Variants in ATR observed in about 807,000 individuals in gnomAD.
ATR encodes serine/threonine-protein kinase ATR.
A neutral mutation model predicts 305.3 loss-of-function variants in ATR; 142 were observed. The ratio of observed to expected loss-of-function variants is 0.47; its 90% CI spans 0.41 to 0.53. ATR has a LOEUF of 0.53. Among genes scored for constraint, ATR ranks in the 20% least tolerant of loss-of-function variants. The pLI is 0.00. For synonymous variants in ATR, 1,050 were observed against 1,068.1 expected (o/e 0.98, Z 0.33); for missense variants, 2,135 against 3,133.1 (o/e 0.68, Z 7.60).
chr3:142,507,138 T>C (rs1373467772), intron 28 of ATR, among the ~76,000 whole-genome samples: 1 of 152,242 alleles, frequency 6.6e-6, no homozygotes, highest in Non-Finnish European at 1.5e-5. Flanking sequence ...ATCTTAAGAC[T>C]GCAAGTTACT....
At chr3:142,476,639 T>G (rs1048086996) in intron 36 of ATR, among the ~76,000 whole-genome samples, 1 of 151,874 alleles carries the variant, frequency 6.6e-6, no homozygotes, top group African/African-American at 2.4e-5. Context: ...AGAAAGTCAT[T>G]GGTAGCTTGA....
intron 21 of ATR, among the ~76,000 whole-genome samples, chr3:142,530,977 CT>C (rs1032422773): frequency 6.6e-6 from 1 of 152,066 alleles, no homozygotes; most frequent in South Asian, 2.1e-4. Flanking sequence ...TCATTTTCTT[CT>C]TTTTTTATAC....
In ATR at chr3:142,503,366, T is replaced by C; in HGVS notation, c.5284A>G (p.Asn1762Asp). ...AATCATTTTATAAAATATTACCTGT[T>C]AGCATGCACTCCATTCACCTGAGTG... ...VITQVNGVHA[N>D]RSEWTDELNT... Residue 1762 changes from asparagine to aspartate, a missense_variant, in exon 30 of 47, where the codon AAC becomes GAC. Asn to Asp is a conservative substitution (Grantham distance 23, BLOSUM62 1). Transcript: ENST00000350721. 6.3e-7 allele frequency: 1 copy of C among 1,598,038 alleles called. No individual in the cohort carries two copies. Among genetic ancestry groups the C allele is most frequent in the Non-Finnish European group, 8.6e-7 (1 of 1,165,842 alleles).
intron 25 of ATR, among the ~76,000 whole-genome samples, 199 bp from the exon 26 acceptor site, chr3:142,513,837 G>A (rs939911075): frequency 1.3e-5 from 2 of 151,354 alleles, no homozygotes; most frequent in African/African-American, 4.9e-5. Flanking sequence ...TAACACTGTT[G>A]AACTCATAAA....
chr3:142,449,661 T>C, intron 46 of ATR, 59 bp from the exon 47 acceptor site: 3 of 1,530,676 alleles, frequency 2.0e-6, no homozygotes, highest in Non-Finnish European at 2.7e-6. Context: ...TTACTACCTT[T>C]CTTTATATTT....
At chr3:142,496,295 T>TGATGAC in intron 34 of ATR, 66 bp downstream of exon 34, 1 of 76,400 alleles carries the variant, frequency 1.3e-5, no homozygotes, top group South Asian at 4.1e-4. Flanking sequence ...TATATATATA[T>TGATGAC]ATATATATAT....
In ATR at chr3:142,535,179, C is replaced by G. The variant is rs773177654; in HGVS notation, c.3846G>C (p.Gln1282His). Residue 1282 changes from glutamine (Q) to histidine (H), a missense_variant, in exon 21 of 47, where the codon CAG becomes CAC. Gln to His is a conservative substitution (Grantham distance 24). This residue lies in a region of ATR where 530 missense variants were observed against 766.8 expected (regional missense o/e 0.69). Transcript: ENST00000350721. ...RKETSESTDL[Q>H]TTLQLSMKAI... The stretch of plus-strand genomic sequence containing the variant: ...CCTTCATAGAGAGCTGAAGAGTTGT[C>G]TGAAGATCAGTGCTCTCAGAGGTCT... The G allele has an allele frequency of 6.2e-7, 1 of 1,613,166 alleles. No individual in the cohort carries two copies. Among genetic ancestry groups the G allele is most frequent in the South Asian group, 1.1e-5 (1 of 91,052 alleles).
intron 16 of ATR, among the ~76,000 whole-genome samples, chr3:142,544,391 G>A (rs2034180043): frequency 7.5e-6 from 1 of 133,754 alleles, no homozygotes; most frequent in Admixed American, 8.6e-5. Flanking sequence ...GGCAGAGGTT[G>A]CAGTGGGCTG....
chr3:142,541,196 C>G (rs760506393), intron 17 of ATR, among the ~76,000 whole-genome samples, 162 bp from the exon 18 acceptor site: 10 of 152,124 alleles, frequency 6.6e-5, no homozygotes, highest in Non-Finnish European at 1.0e-4. Context: ...TGTCCAATTG[C>G]TTATGTCTTA....
At chr3:142,554,082 T>C in intron 10 of ATR, 67 bp from the exon 11 acceptor site, 1 of 1,328,276 alleles carries the variant, frequency 7.5e-7, no homozygotes. Context: ...TGTAAAAATA[T>C]TGTCAACAAA....
chr3:142,556,529 T>G lies in ATR; in HGVS notation c.1932A>C (p.Pro644=). 6.2e-7 allele frequency: 1 copy of G among 1,614,054 alleles called. No homozygotes were observed. Among genetic ancestry groups the G allele is most frequent in the Non-Finnish European group, 8.5e-7 (1 of 1,179,980 alleles). ...SRCVFLLTLF[P]RRIFLEWRTA... is the part of the protein sequence containing the mutation. Reference sequence around the variant, plus strand: ...TTCTCCACTCAAGGAATATTCTTCTTGGAAACAGAGTCAGAAGAAACACAC... The same window carrying G: ...TTCTCCACTCAAGGAATATTCTTCTGGGAAACAGAGTCAGAAGAAACACAC... Residue 644 remains proline, a synonymous_variant, in exon 9 of 47, where the codon CCA becomes CCC. Transcript: ENST00000350721.
At chr3:142,506,835 T>C (rs2032266742) in intron 28 of ATR, among the ~76,000 whole-genome samples, 1 of 152,232 alleles carries the variant, frequency 6.6e-6, no homozygotes, top group Non-Finnish European at 1.5e-5. Context: ...ACAGTCATCT[T>C]GACAAAGGGG....
intron 45 of ATR, 104 bp from the exon 46 acceptor site, chr3:142,453,337 T>A (rs2070833645): frequency 1.0e-5 from 14 of 1,336,352 alleles, no homozygotes; most frequent in Non-Finnish European, 1.5e-5. Flanking sequence ...GTAATACTCT[T>A]ATAATACACA....
intron 45 of ATR, among the ~76,000 whole-genome samples, chr3:142,453,569 G>A (rs1194097805): frequency 2.0e-5 from 3 of 152,054 alleles, no homozygotes; most frequent in East Asian, 3.9e-4. Flanking sequence ...CTTCAATAAC[G>A]ATATAACATC....
chr3:142,474,023 T>C (rs2071370506), intron 36 of ATR, among the ~76,000 whole-genome samples: 2 of 149,066 alleles, frequency 1.3e-5, no homozygotes, highest in Non-Finnish European at 3.0e-5. Context: ...GCCTCCTGGG[T>C]TCAAGCAATT....
chr3:142,472,421 C>A (rs1199388014), intron 36 of ATR: 1 of 152,148 alleles, frequency 6.6e-6, no homozygotes, highest in African/African-American at 2.4e-5. Context: ...CATATCCTCT[C>A]CAATGCTTGT....
Position 142,547,757 on chromosome 3 carries a change from C to T in ATR, c.3325G>A (p.Gly1109Ser). Residue 1109 changes from glycine (G) to serine (S), a missense_variant, in exon 16 of 47, where the codon GGC (glycine) becomes AGC (serine). By Grantham distance (56) the Gly-to-Ser change is moderately conservative (BLOSUM62 0). This residue lies in a region of ATR where 530 missense variants were observed against 766.8 expected (regional missense o/e 0.69). Transcript: ENST00000350721. ...TCAGGTGATATGATATCTCTCGGGC[C>T]CTGATATGGATCATCACTGGATGCA... ...SFASSDDPYQ[G>S]PRDIISPELM... 1 of 1,613,834 alleles carries T rather than the reference C, an allele frequency of 6.2e-7. No homozygotes were observed.
chr3:142,474,522 T>C lies in ATR; in HGVS notation c.6222-4339A>G, dbSNP rs916832611. Among the ~76,000 whole-genome samples, 4 of 152,342 alleles carry C rather than the reference T, an allele frequency of 2.6e-5. No individual in the cohort carries two copies. In the East Asian group the frequency reaches 5.8e-4, roughly 22 times the overall value. On this transcript the variant is annotated intron_variant, in intron 36 of 46. Coordinates refer to ENST00000350721, the MANE Select transcript of ATR (RefSeq NM_001184.4). ...AATGAGATTGTCTTCTTAATTTATC[T>C]GCAAGTACTCTGTTATTAGTGTATA...
intron 1 of ATR, among the ~76,000 whole-genome samples, chr3:142,573,759 T>G (rs1009914614): frequency 6.6e-6 from 1 of 152,228 alleles, no homozygotes; most frequent in Non-Finnish European, 1.5e-5. Context: ...ACATTCTTTT[T>G]TCTGGTACTA....
Sources: allele counts gnomAD v4.1 joint callset (sites outside exome capture counted in the v4.1 genomes callset), GRCh38; gene constraint gnomAD v4.1.1; regional missense constraint gnomAD v4.1.1; transcripts MANE v1.5; gene names NCBI Gene and HGNC (gene_info 2026-07-23, HGNC 2026-07-21).